MON2: variants seen among roughly 807,000 people sequenced by gnomAD.
MON2 encodes MON2 regulator of endosome-to-Golgi trafficking, also known as protein MON2 homolog.
In MON2, 84 loss-of-function variants were observed where a neutral mutation model predicts 208.6. The ratio of observed to expected loss-of-function variants is 0.40; its 90% confidence interval spans 0.34 to 0.48. The LOEUF is 0.48. Ranked by LOEUF, MON2 falls within the 20% of genes least tolerant of loss-of-function variation. MON2 has a pLI of 0.59. For missense variants in MON2, 1,611 were observed against 2,015.4 expected, an observed-to-expected ratio of 0.80 and a Z score of 3.84; for synonymous variants, 660 against 694.0, an observed-to-expected ratio of 0.95 and a Z score of 0.77.
intron 1 of MON2, among the ~76,000 whole-genome samples, chr12:62,473,727 G>A (rs371693759): frequency 9.9e-5 from 15 of 152,018 alleles, no homozygotes; most frequent in South Asian, 6.2e-4. Flanking sequence ...ATGCCACCAC[G>A]GCTGGCAAAT....
chr12:62,474,715 C>T (rs1022328850), intron 1 of MON2, among the ~76,000 whole-genome samples: 3 of 152,182 alleles, frequency 2.0e-5, no homozygotes, highest in South Asian at 2.1e-4. Context: ...TGAGCCATCG[C>T]GGCCAGCCAG....
At chr12:62,483,093 C>A (rs577474004) in intron 1 of MON2, 2 of 151,720 alleles carry the variant, frequency 1.3e-5, no homozygotes, top group Non-Finnish European at 2.9e-5. Flanking sequence ...AATAATTTAA[C>A]GTAATAATTT....
intron 30 of MON2, among the ~76,000 whole-genome samples, chr12:62,577,248 A>G (rs1335724826): frequency 6.6e-6 from 1 of 151,896 alleles, no homozygotes; most frequent in Non-Finnish European, 1.5e-5. Context: ...CAGTTTTTTT[A>G]CTCTAGTTCC....
chr12:62,543,738 G>A (rs2073348062), intron 20 of MON2, among the ~76,000 whole-genome samples: 1 of 152,100 alleles, frequency 6.6e-6, no homozygotes, highest in Admixed American at 6.5e-5. Flanking sequence ...CTCCCGAGTA[G>A]CTGGGATTAC....
intron 6 of MON2, among the ~76,000 whole-genome samples, chr12:62,501,186 T>A (rs996354913): frequency 6.6e-6 from 1 of 152,198 alleles, no homozygotes; most frequent in Non-Finnish European, 1.5e-5. Flanking sequence ...AAATTTGGTC[T>A]GTGTAGTATA....
rs748442268 is a variant in MON2, at chr12:62,538,184, C to G, written c.2199+8C>G. ...GTAGAAGGACCCAGTACAGTAAGCTCTAGTCTTTCTTACCCAATTAGTGCA... is the reference window on the plus strand; with the variant it reads ...GTAGAAGGACCCAGTACAGTAAGCTGTAGTCTTTCTTACCCAATTAGTGCA... On this transcript the variant is annotated splice_region_variant and intron_variant, in intron 17 of 34. Transcript: ENST00000393630. 1.0e-4 allele frequency: 161 copies of G among 1,612,814 alleles called. No individual in the cohort carries two copies. The highest frequency in any genetic ancestry group is 1.6e-4 in the Middle Eastern group (1 of 6,080).
At chr12:62,580,927 A>T (rs548315722) in intron 32 of MON2, among the ~76,000 whole-genome samples, 27 of 152,296 alleles carry the variant, frequency 1.8e-4, no homozygotes, top group African/African-American at 6.0e-4. Context: ...GAGTTCATTT[A>T]AAAAAATAAG....
intron 9 of MON2, 68 bp from the exon 10 acceptor site, chr12:62,525,016 A>G (rs1040631221): frequency 1.1e-5 from 15 of 1,326,860 alleles, no homozygotes; most frequent in Non-Finnish European, 1.5e-5. Flanking sequence ...ATCACTTGCT[A>G]TAAAAAGGTT....
At chr12:62,468,857 T>C (rs1396151289) in intron 1 of MON2, among the ~76,000 whole-genome samples, 2 of 152,220 alleles carry the variant, frequency 1.3e-5, no homozygotes, top group African/African-American at 4.8e-5. Flanking sequence ...TAGAACTGAC[T>C]TCGCAGTTCT....
intron 1 of MON2, among the ~76,000 whole-genome samples, chr12:62,478,792 G>A (rs182692472): frequency 1.5e-4 from 23 of 152,296 alleles, no homozygotes; most frequent in Non-Finnish European, 1.5e-5. Flanking sequence ...GTGGATGGAT[G>A]GAGGACATGA....
intron 8 of MON2, among the ~76,000 whole-genome samples, chr12:62,516,488 T>G (rs1486376787): frequency 1.2e-4 from 18 of 152,132 alleles, no homozygotes; most frequent in Admixed American, 1.2e-3. Flanking sequence ...CCAGATCACA[T>G]GAGGTCGGGA....
At chr12:62,582,254 A>T (rs992117353) in intron 32 of MON2, among the ~76,000 whole-genome samples, 4 of 152,212 alleles carry the variant, frequency 2.6e-5, no homozygotes, top group Non-Finnish European at 5.9e-5. Flanking sequence ...CAGTTTTCTG[A>T]TAATATATCT....
chr12:62,557,960 ATATTTTTTTTTTTT>A (rs2074053394), intron 25 of MON2, among the ~76,000 whole-genome samples: 1 of 24,482 alleles, frequency 4.1e-5, no homozygotes, highest in East Asian at 1.6e-3. Context: ...ATATATATAT[ATATTTTTTTTTTTT>A]TTTTTTTTTT....
chr12:62,498,969 T>C lies in MON2; in HGVS notation c.486T>C (p.Asn162=), dbSNP rs1213415925. ...ACTTCACAAAAGATAATATTACAAA[T>C]AATACAGCTGCTGCTACAGTGCGAC... ...RLHFTKDNIT[N]NTAAATVRQV... is the part of the protein sequence containing the mutation. The change falls in exon 5 of 35, where the codon AAT becomes AAC. Residue 162 remains asparagine (N), a synonymous_variant. Coordinates refer to ENST00000393630, the MANE Select transcript of MON2 (RefSeq NM_015026.3). The C allele has an allele frequency of 1.9e-6, 3 of 1,612,074 alleles. No individual in the cohort carries two copies. In the Admixed American group the frequency reaches 5.0e-5, roughly 27 times the overall value.
In MON2 at chr12:62,534,888, T is replaced by C. The variant is rs1565656750; in HGVS notation, c.1677T>C (p.Cys559=). The stretch of plus-strand genomic sequence containing the variant: ...AAGAAATGGTGAATGCCTGCTGGTG[T>C]GGTCTTCTTGCTGCACTCTCACTCC... ...VWEEMVNACW[C]GLLAALSLLL... The change falls in exon 13 of 35, where the codon TGT becomes TGC. Residue 559 remains cysteine, a synonymous_variant. Coordinates refer to ENST00000393630, the MANE Select transcript of MON2 (RefSeq NM_015026.3). The C allele has an allele frequency of 6.2e-7, 1 of 1,612,666 alleles. No individual in the cohort carries two copies. The highest frequency in any genetic ancestry group is 1.7e-5 in the Admixed American group (1 of 59,958).
intron 1 of MON2, among the ~76,000 whole-genome samples, chr12:62,471,376 G>T (rs927805389): frequency 6.6e-6 from 1 of 151,996 alleles, no homozygotes; most frequent in Non-Finnish European, 1.5e-5. Flanking sequence ...TAGAGACGGG[G>T]TTTCACCATG....
chr12:62,598,368 C>G lies in MON2; in HGVS notation c.*5619C>G, dbSNP rs1182071425. The G allele has an allele frequency of 6.6e-6, 1 of 152,060 alleles. No individual in the cohort carries two copies. The highest frequency in any genetic ancestry group is 2.4e-5 in the African/African-American group (1 of 41,394). The allele number at this position is 152,060 out of a possible 1,614,324, so 9.4% of individuals were successfully genotyped here. Reference sequence around the variant, plus strand: ...GCCAGGGAAGATCTGCTAAACCATGCCGTTATTTGGAAAATCATTGCAATA... The same window carrying G: ...GCCAGGGAAGATCTGCTAAACCATGGCGTTATTTGGAAAATCATTGCAATA... On this transcript the variant is annotated 3_prime_UTR_variant, in exon 35 of 35. Transcript: ENST00000393630.
chr12:62,501,000 GTAT>G (rs113437686), intron 6 of MON2, 120 bp downstream of exon 6: 57,806 of 542,880 alleles, frequency 0.11, 3,639 homozygotes, highest in Non-Finnish European at 0.12. Context: ...GTCAAAGGTA[GTAT>G]TAAGATAGTT....
intron 1 of MON2, among the ~76,000 whole-genome samples, chr12:62,467,963 TTC>T (rs2068596466): frequency 6.8e-6 from 1 of 147,218 alleles, no homozygotes; most frequent in Non-Finnish European, 1.5e-5. Context: ...GGGTTTTTTT[TTC>T]CAGCTGTAAA....
Sources: gnomAD v4.1 joint callset for allele counts (sites outside exome capture counted in the v4.1 genomes callset) on GRCh38, gnomAD v4.1.1 for gene constraint, MANE v1.5 for transcripts, NCBI Gene and HGNC (gene_info 2026-07-23, HGNC 2026-07-21) for gene names.